The following TAFA2 variants were observed in gnomAD, a reference collection of about 807,000 sequenced individuals.
TAFA2 encodes the protein chemokine-like protein TAFA-2.
A neutral mutation model predicts 18.8 loss-of-function variants in TAFA2; 7 were observed. That is an observed-to-expected ratio of 0.37 (90% confidence interval 0.21 to 0.70). The LOEUF (loss-of-function observed/expected upper bound fraction) is 0.70, where lower values mean the gene tolerates loss of function less well. Ranked by LOEUF, TAFA2 falls within the 30% of genes least tolerant of loss-of-function variation. The pLI is 0.53. For missense variants in TAFA2, 122 were observed against 158.1 expected, an observed-to-expected ratio of 0.77 and a Z score of 1.23; for synonymous variants, 60 against 54.2, an observed-to-expected ratio of 1.11 and a Z score of -0.47.
intron 1 of TAFA2, among the ~76,000 whole-genome samples, chr12:62,050,752 A>G (rs1882031422): frequency 6.6e-6 from 1 of 152,178 alleles, no homozygotes; most frequent in African/African-American, 2.4e-5. Flanking sequence ...TGCTAATAAG[A>G]GCCAAATCTG....
intron 1 of TAFA2, among the ~76,000 whole-genome samples, chr12:62,215,079 C>T (rs979620521): frequency 2.0e-5 from 3 of 152,152 alleles, no homozygotes; most frequent in African/African-American, 7.2e-5. Flanking sequence ...AGAGAGAGTA[C>T]TAAGAAGTGA....
At chr12:61,957,135 G>A (rs1878722553) in intron 1 of TAFA2, among the ~76,000 whole-genome samples, 1 of 152,146 alleles carries the variant, frequency 6.6e-6, no homozygotes, top group African/African-American at 2.4e-5. Flanking sequence ...CCCTGTGCCA[G>A]CATTTGCTTC....
intron 4 of TAFA2, among the ~76,000 whole-genome samples, chr12:61,723,398 T>A (rs919137209): frequency 6.6e-6 from 1 of 152,016 alleles, no homozygotes; most frequent in African/African-American, 2.4e-5. Flanking sequence ...AATGAACACG[T>A]GAATGAATTA....
At chr12:61,930,575 G>T (rs148519579) in intron 1 of TAFA2, among the ~76,000 whole-genome samples, 1,567 of 152,306 alleles carry the variant, frequency 0.01, 21 homozygotes, top group African/African-American at 0.034. Flanking sequence ...GATTCAAGCT[G>T]CTAGATTCAA....
At chr12:62,070,821 G>C (rs1215070127) in intron 1 of TAFA2, among the ~76,000 whole-genome samples, 1 of 151,998 alleles carries the variant, frequency 6.6e-6, no homozygotes, top group Non-Finnish European at 1.5e-5. Flanking sequence ...CATTGCAGGG[G>C]ACAGTGTCTG....
chr12:62,164,604 T>C (rs1565766843), intron 1 of TAFA2, among the ~76,000 whole-genome samples: 3 of 152,136 alleles, frequency 2.0e-5, no homozygotes, highest in South Asian at 4.1e-4. Flanking sequence ...TTTACCCATA[T>C]GACAAACCTG....
intron 1 of TAFA2, among the ~76,000 whole-genome samples, chr12:62,126,136 A>G (rs1870449339): frequency 6.6e-6 from 1 of 152,092 alleles, no homozygotes; most frequent in South Asian, 2.1e-4. Context: ...CCATATTTTA[A>G]AAGTCTTTAT....
chr12:62,101,503 A>T (rs1201854966), intron 1 of TAFA2, among the ~76,000 whole-genome samples: 1 of 152,182 alleles, frequency 6.6e-6, no homozygotes. Context: ...CATAAGCCCA[A>T]ACGTAACTCT....
rs140099028 is a variant in TAFA2 at position 61,740,391 on chromosome 12, G to A, written c.384+13231C>T. Among the ~76,000 whole-genome samples, 246 of 151,890 alleles carry A rather than the reference G, an allele frequency of 1.6e-3. 1 individual carries two copies. The highest frequency in any genetic ancestry group is 5.8e-3 in the African/African-American group (240 of 41,454). The stretch of plus-strand genomic sequence containing the variant: ...GAGAAATACCTAATGTAGATGATGG[G>A]TTAATGGGTGCAGCAAACCACCGTG... On this transcript the variant is annotated intron_variant, in intron 4 of 4. Transcript: ENST00000416284.
intron 2 of TAFA2, among the ~76,000 whole-genome samples, chr12:61,788,248 T>C (rs149733278): frequency 5.3e-5 from 8 of 151,728 alleles, no homozygotes; most frequent in African/African-American, 1.9e-4. Context: ...TGCAACACAA[T>C]AATAACAGGT....
intron 1 of TAFA2, among the ~76,000 whole-genome samples, chr12:62,056,420 G>T (rs888678211): frequency 2.6e-5 from 4 of 152,308 alleles, no homozygotes; most frequent in Admixed American, 2.6e-4. Context: ...CACCAGTGTG[G>T]CATATAATAA....
In TAFA2 at chr12:62,100,122, T is replaced by C. The variant is rs2136847790; in HGVS notation, c.-2+91137A>G. On this transcript the variant is annotated intron_variant, in intron 1 of 4. Coordinates refer to ENST00000416284, the MANE Select transcript of TAFA2 (RefSeq NM_178539.5). ...GTCTGCCACAAACACTGCCTCTTCA[T>C]AATAGCAACTCCCTCTACACACACA... Among the ~76,000 whole-genome samples the C allele has an allele frequency of 3.4e-5, 5 of 147,536 alleles. No homozygotes were observed. The Middle Eastern group carries it at 0.01, about 310-fold the overall frequency.
At chr12:62,095,949 A>G (rs970723274) in intron 1 of TAFA2, among the ~76,000 whole-genome samples, 1 of 152,154 alleles carries the variant, frequency 6.6e-6, no homozygotes, top group Non-Finnish European at 1.5e-5. Flanking sequence ...GAACTTCAGG[A>G]AAAAGAATGC....
Position 61,710,286 on chromosome 12 carries a change from A to G in TAFA2, c.*120T>C. Reference sequence around the variant, plus strand: ...AGGCCATGAAATCCCTTGGAAATAGACTATTGAGCGCCTCTTTCAAGTGGT... The same window carrying G: ...AGGCCATGAAATCCCTTGGAAATAGGCTATTGAGCGCCTCTTTCAAGTGGT... On this transcript the variant is annotated 3_prime_UTR_variant, in exon 5 of 5. Coordinates refer to ENST00000416284, the MANE Select transcript of TAFA2 (RefSeq NM_178539.5). The G allele has an allele frequency of 4.7e-6, 4 of 857,708 alleles. No homozygotes were observed. The Admixed American group carries it at 6.0e-5, about 13-fold the overall frequency. The allele number at this position is 857,708 out of a possible 1,614,324, so 53.1% of individuals were successfully genotyped here.
At chr12:62,224,184 G>T (rs1038126147) in intron 1 of TAFA2, among the ~76,000 whole-genome samples, 3 of 151,796 alleles carry the variant, frequency 2.0e-5, no homozygotes, top group Non-Finnish European at 4.4e-5. Context: ...CATGGAGGAG[G>T]TTTTAGGACA....
chr12:62,131,389 A>T (rs1245436), intron 1 of TAFA2, among the ~76,000 whole-genome samples: 6 of 151,976 alleles, frequency 3.9e-5, no homozygotes, highest in African/African-American at 1.4e-4. Context: ...ATGCCGGGGC[A>T]GCGGGTTGCT....
chr12:62,157,529 T>G (rs2062378915), intron 1 of TAFA2, among the ~76,000 whole-genome samples: 1 of 152,228 alleles, frequency 6.6e-6, no homozygotes, highest in Non-Finnish European at 1.5e-5. Flanking sequence ...CCACGGCTGA[T>G]GAACCACTCT....
At chr12:61,830,415 C>T (rs1054799141) in intron 2 of TAFA2, among the ~76,000 whole-genome samples, 1 of 151,048 alleles carries the variant, frequency 6.6e-6, no homozygotes, top group Non-Finnish European at 1.5e-5. Context: ...TACTAGTCTG[C>T]CATAAAAAGA....
At chr12:62,057,366 A>G (rs181556023) in intron 1 of TAFA2, among the ~76,000 whole-genome samples, 5 of 152,070 alleles carry the variant, frequency 3.3e-5, no homozygotes, top group Non-Finnish European at 7.4e-5. Flanking sequence ...CTTCTGATCC[A>G]TCTCACAAGA....
Sources: allele counts gnomAD v4.1 joint callset (sites outside exome capture counted in the v4.1 genomes callset), GRCh38; gene constraint gnomAD v4.1.1; transcripts MANE v1.5; gene names NCBI Gene and HGNC (gene_info 2026-07-23, HGNC 2026-07-21).